The following ZNF536 variants were observed in gnomAD, a reference collection of about 807,000 sequenced individuals.
ZNF536 encodes zinc finger protein 536.
In ZNF536, 13 loss-of-function variants were observed where a neutral mutation model predicts 84.5. The observed-to-expected ratio is 0.15, with a 90% CI of 0.10 to 0.24. ZNF536 has a LOEUF of 0.24. Among genes scored for constraint, ZNF536 ranks in the 10% least tolerant of loss-of-function variants. The pLI is 1.00. For synonymous variants in ZNF536, 811 were observed against 742.5 expected (o/e 1.09, Z -1.50); for missense variants, 1,536 against 1,747.5 (o/e 0.88, Z 2.16).
intron 3 of ZNF536, 150 bp from the exon 4 acceptor site, chr19:30,547,793 C>T (rs528963996): frequency 6.5e-4 from 556 of 856,338 alleles, no homozygotes; most frequent in Non-Finnish European, 8.5e-4. Context: ...CTTAAGAGTA[C>T]GAATTATTCT....
chr19:30,515,117 T>C (rs142513775), intron 2 of ZNF536, among the ~76,000 whole-genome samples: 13 of 151,904 alleles, frequency 8.6e-5, no homozygotes, highest in African/African-American at 3.1e-4. Flanking sequence ...TAAAAATTAG[T>C]TGGGTGTGGT....
At chr19:30,427,954 T>G (rs1402996982) in intron 1 of ZNF536, among the ~76,000 whole-genome samples, 2 of 152,242 alleles carry the variant, frequency 1.3e-5, no homozygotes, top group Non-Finnish European at 2.9e-5. Context: ...ATTTGAGTCT[T>G]CTTGCTTTCT....
chr19:30,228,273 G>C (rs929875842), upstream of ZNF536: 1 of 152,130 alleles, frequency 6.6e-6, no homozygotes, highest in Admixed American at 6.5e-5. The surrounding 1 kb of genome is among the most constrained non-coding windows in gnomAD (Gnocchi z 4.5). Flanking sequence ...AGGAAAAAGG[G>C]GTGAGAGACG....
intron 1 of ZNF536, chr19:30,436,522 T>TAAG (rs997317534): frequency 3.0e-5 from 30 of 984,960 alleles, no homozygotes; most frequent in Non-Finnish European, 3.6e-5. Flanking sequence ...GGCCAAAATG[T>TAAG]AAGCATGAAA....
chr19:30,570,993 C>G (rs1182740594), intron 1 of ZNF536, among the ~76,000 whole-genome samples: 1 of 152,142 alleles, frequency 6.6e-6, no homozygotes, highest in Non-Finnish European at 1.5e-5. Context: ...CCCCCAGCTC[C>G]TCAAAGGAAG....
At chr19:30,471,731 G>C (rs1462208637) in intron 2 of ZNF536, among the ~76,000 whole-genome samples, 1 of 152,242 alleles carries the variant, frequency 6.6e-6, no homozygotes, top group Non-Finnish European at 1.5e-5. Context: ...CACCTGCCTG[G>C]TAACATGAAA....
At chr19:30,451,059 C>A (rs1015396921) in intron 2 of ZNF536, among the ~76,000 whole-genome samples, 8 of 152,374 alleles carry the variant, frequency 5.3e-5, no homozygotes, top group Middle Eastern at 6.8e-3. Flanking sequence ...TGTGCCCAGG[C>A]GGACGCCGGC....
At chr19:30,612,884 G>A (rs1213281937) in intron 1 of ZNF536, among the ~76,000 whole-genome samples, 1 of 152,136 alleles carries the variant, frequency 6.6e-6, no homozygotes, top group Non-Finnish European at 1.5e-5. Context: ...TCTGGGCCAG[G>A]GTCCAATCCA....
At chr19:30,259,368 A>G (rs770395753) in intron 1 of ZNF536, among the ~76,000 whole-genome samples, 4 of 152,236 alleles carry the variant, frequency 2.6e-5, no homozygotes, top group Non-Finnish European at 5.9e-5. Context: ...AAAAGAATGC[A>G]GCAGCGGGTC....
At chr19:30,294,031 G>A (rs992346715) in intron 2 of ZNF536, among the ~76,000 whole-genome samples, 5 of 152,164 alleles carry the variant, frequency 3.3e-5, no homozygotes, top group African/African-American at 1.2e-4. Context: ...GCAGGTGGTG[G>A]TAACATGGCC....
chr19:30,250,671 G>T (rs2024555272), intron 1 of ZNF536, among the ~76,000 whole-genome samples: 1 of 152,154 alleles, frequency 6.6e-6, no homozygotes, highest in African/African-American at 2.4e-5. Flanking sequence ...TGAGTAATGT[G>T]CAGACACAGG....
intron 1 of ZNF536, among the ~76,000 whole-genome samples, chr19:30,424,376 G>A (rs2051120609): frequency 6.6e-6 from 1 of 152,194 alleles, no homozygotes; most frequent in Non-Finnish European, 1.5e-5. Context: ...GACCGAGGGA[G>A]CACAGGGAAT....
intron 1 of ZNF536, among the ~76,000 whole-genome samples, chr19:30,694,493 G>A (rs1289879461): frequency 6.6e-6 from 1 of 152,166 alleles, no homozygotes; most frequent in African/African-American, 2.4e-5. Context: ...GGGCCCACAG[G>A]CGCCTGGCTG....
intron 2 of ZNF536, among the ~76,000 whole-genome samples, chr19:30,452,101 T>C (rs2148323415): frequency 6.6e-6 from 1 of 152,278 alleles, no homozygotes; most frequent in African/African-American, 2.4e-5. Context: ...TGATTGATGG[T>C]TTGGCCAGAA....
At chr19:30,251,008 C>T (rs564106416) in intron 1 of ZNF536, among the ~76,000 whole-genome samples, 3 of 152,152 alleles carry the variant, frequency 2.0e-5, no homozygotes, top group Admixed American at 1.3e-4. Flanking sequence ...TTTAAGATCT[C>T]GGTGAACTTG....
chr19:30,385,341 G>T (rs1044655784), intron 1 of ZNF536, among the ~76,000 whole-genome samples: 1 of 152,138 alleles, frequency 6.6e-6, no homozygotes, highest in African/African-American at 2.4e-5. Flanking sequence ...GGGACCAGGG[G>T]CCACCTGCCT....
At chr19:30,478,105 G>T (rs1392361263) in intron 2 of ZNF536, among the ~76,000 whole-genome samples, 1 of 151,410 alleles carries the variant, frequency 6.6e-6, no homozygotes, top group Middle Eastern at 3.2e-3. Flanking sequence ...TGTGGGTCAG[G>T]CTGCTGATGG....
At chr19:30,645,788 C>T (rs774679063) in intron 1 of ZNF536, among the ~76,000 whole-genome samples, 6 of 152,188 alleles carry the variant, frequency 3.9e-5, no homozygotes, top group Non-Finnish European at 5.9e-5. Context: ...TAGCGGATGG[C>T]GCCACCCTGC....
intron 2 of ZNF536, among the ~76,000 whole-genome samples, chr19:30,350,138 T>C (rs1367458732): frequency 6.6e-6 from 1 of 152,204 alleles, no homozygotes; most frequent in Non-Finnish European, 1.5e-5. Context: ...ATTTTTGACC[T>C]AGACTTGTTA....
Sources: allele counts gnomAD v4.1 joint callset (sites outside exome capture counted in the v4.1 genomes callset), GRCh38; gene constraint gnomAD v4.1.1; non-coding constraint Gnocchi (gnomAD v3.1); transcripts MANE v1.5; gene names NCBI Gene and HGNC (gene_info 2026-07-23, HGNC 2026-07-21).